The following ASPG variants were observed in gnomAD, a reference collection of about 807,000 sequenced individuals.
ASPG encodes the protein 60 kDa lysophospholipase.
In ASPG, 53 loss-of-function variants were observed where a neutral mutation model predicts 63.2. That is an observed-to-expected ratio of 0.84 (90% CI 0.67 to 1.05). The LOEUF (loss-of-function observed/expected upper bound fraction) is 1.05, where lower values mean the gene tolerates loss of function less well. Among genes scored for constraint, ASPG ranks in the 50% least tolerant of loss-of-function variants. The pLI, the probability that ASPG is intolerant of heterozygous loss-of-function variation, is 0.00. For missense variants in ASPG, 741 were observed against 794.4 expected (o/e 0.93, Z 0.81); for synonymous variants, 370 against 355.0 (o/e 1.04, Z -0.48).
rs115657393 is a variant in ASPG, at chr14:104,087,805, C to T, written c.82+1953C>T. 3.9e-3 allele frequency among the ~76,000 whole-genome samples: 587 copies of T among 152,346 alleles called. 4 individuals are homozygous for T. The highest frequency in any genetic ancestry group is 0.013 in the African/African-American group (555 of 41,578). On this transcript the variant is annotated intron_variant, in intron 1 of 15. Transcript: ENST00000551177. The stretch of plus-strand genomic sequence containing the variant: ...CCGTCTCGCTTGGCCCCCGCGTGCT[C>T]GCCGCAGCAGCCTGTGGGTGCACTC...
chr14:104,087,487 G>A (rs1488657860), intron 1 of ASPG, among the ~76,000 whole-genome samples: 1 of 152,174 alleles, frequency 6.6e-6, no homozygotes, highest in Non-Finnish European at 1.5e-5. Context: ...CCCAGGGAGG[G>A]CTTCTCTGAG....
At chr14:104,088,652 AG>A (rs1206665693) in intron 1 of ASPG, among the ~76,000 whole-genome samples, 1 of 152,206 alleles carries the variant, frequency 6.6e-6, no homozygotes, top group Non-Finnish European at 1.5e-5. Flanking sequence ...CGAGAGTGTC[AG>A]TGGAGTGATG....
Position 104,110,032 on chromosome 14 carries a change from C to T in ASPG, c.1520+717C>T. Reference sequence around the variant, plus strand: ...TCCGCCACAGCCAGAATCGCTGCCCCCCACCCCATGCCTTGTGCCTGGTGA... The same window carrying T: ...TCCGCCACAGCCAGAATCGCTGCCCTCCACCCCATGCCTTGTGCCTGGTGA... On this transcript the variant is annotated intron_variant, in intron 13 of 15. Transcript: ENST00000551177. The surrounding 1 kb of genome is among the most constrained non-coding windows in gnomAD (Gnocchi z 4.7). 1 of 985,392 alleles carries T rather than the reference C, an allele frequency of 1.0e-6. No individual in the cohort carries two copies. Among genetic ancestry groups the T allele is most frequent in the Non-Finnish European group, 1.2e-6 (1 of 829,926 alleles). 61.0% of individuals were successfully genotyped at this position (985,392 alleles called of 1,614,324 possible). A position where few individuals can be genotyped will look rare whatever the true frequency, so the allele number is the denominator to read the frequency against.
chr14:104,086,870 C>A (rs1344600583), intron 1 of ASPG, among the ~76,000 whole-genome samples: 2 of 152,108 alleles, frequency 1.3e-5, no homozygotes, highest in Admixed American at 6.5e-5. Flanking sequence ...CGGCTGGGAC[C>A]CTCTCCGGCT....
At chr14:104,104,757 G>C in intron 9 of ASPG, 22 bp downstream of exon 9, 1 of 1,565,506 alleles carries the variant, frequency 6.4e-7, no homozygotes, top group Non-Finnish European at 8.7e-7. Context: ...CTCGGGCTGT[G>C]GGCAACCCTC....
intron 5 of ASPG, among the ~76,000 whole-genome samples, chr14:104,097,854 A>ATGGAGGTTCTGCGTTGGAGATGCG (rs1566830008): frequency 3.3e-4 from 16 of 48,740 alleles, no homozygotes; most frequent in Non-Finnish European, 3.4e-4. Context: ...TTAGAGATGC[A>ATGGAGGTTCTGCGTTGGAGATGCG]TATGGAGGTT....
chr14:104,103,527 C>T, intron 6 of ASPG, 36 bp from the exon 7 acceptor site: 4 of 1,524,988 alleles, frequency 2.6e-6, no homozygotes, highest in South Asian at 2.4e-5. Context: ...TGGCAGGAGG[C>T]CTGAAGGCAC....
Position 104,109,139 on chromosome 14 carries a change from C to T in ASPG, c.1434-90C>T. 1.3e-6 allele frequency: 2 copies of T among 1,559,984 alleles called. No homozygotes were observed. Among genetic ancestry groups the T allele is most frequent in the Non-Finnish European group, 1.7e-6 (2 of 1,154,880 alleles). ...GGGCCGGCCGGTCCCCGTCCCTGTG[C>T]ACAGGACATGAGCTCTGCTGGCTCC... is the stretch of plus-strand genomic sequence containing the variant. On this transcript the variant is annotated intron_variant, in intron 12 of 15. Transcript: ENST00000551177. The surrounding 1 kb of genome is among the most constrained non-coding windows in gnomAD (Gnocchi z 4.8).
rs756216152 is a variant in ASPG at position 104,104,380 on chromosome 14, C to T, written c.830C>T (p.Pro277Leu). ...GGTTCAGGGAACGGACCCACCAAGC[C>T]CGACCTGCTGCAGGAGCTGCGGGTG... ...TFGSGNGPTK[P>L]DLLQELRVAT... is the part of the protein sequence containing the mutation. Residue 277 changes from proline (P) to leucine (L), a missense_variant, in exon 8 of 16, where the codon CCC (proline) becomes CTC (leucine). By Grantham distance (98) the Pro-to-Leu change is moderately conservative (BLOSUM62 -3). Transcript: ENST00000551177. 3 of 1,612,656 alleles carry T rather than the reference C, an allele frequency of 1.9e-6. No individual in the cohort carries two copies. Among genetic ancestry groups the T allele is most frequent in the Non-Finnish European group, 2.5e-6 (3 of 1,179,820 alleles).
At position 104,110,578 on chromosome 14, in the gene ASPG, G is replaced by GT; in HGVS notation, c.1521-923dup. On this transcript the variant is annotated intron_variant, in intron 13 of 15. Transcript: ENST00000551177. This position sits in a 1 kb window ranked among gnomAD's most constrained non-coding sequence, Gnocchi z 4.7. The stretch of plus-strand genomic sequence containing the variant: ...GGCCTTCCTAGGGGCCGGTGTGTGT[G>GT]TGGGGCTTGGCCTCTTGGAGCAGGT... 1.0e-6 allele frequency: 1 copy of GT among 985,338 alleles called. No homozygotes were observed. The highest frequency in any genetic ancestry group is 1.2e-6 in the Non-Finnish European group (1 of 829,868). The allele number at this position is 985,338 out of a possible 1,614,324, so 61.0% of individuals were successfully genotyped here.
rs529941755 is a variant in ASPG at position 104,109,860 on chromosome 14, C to T, written c.1520+545C>T. Among the ~76,000 whole-genome samples, 10 of 152,240 alleles carry T rather than the reference C, an allele frequency of 6.6e-5. No homozygotes were observed. Among genetic ancestry groups the T allele is most frequent in the South Asian group, 2.1e-4 (1 of 4,826 alleles). On this transcript the variant is annotated intron_variant, in intron 13 of 15. Transcript: ENST00000551177. This position sits in a 1 kb window ranked among gnomAD's most constrained non-coding sequence, Gnocchi z 4.8. ...TGGCACCAGTGGCCAGTGTGCCTTC[C>T]GATCTCATGCTGCCGAGTGACCACC...
intron 1 of ASPG, among the ~76,000 whole-genome samples, chr14:104,087,176 G>A (rs1437621672): frequency 6.6e-6 from 1 of 152,200 alleles, no homozygotes; most frequent in East Asian, 1.9e-4. Context: ...GAGGGACTCA[G>A]GTCCCCAAGA....
intron 14 of ASPG, 92 bp downstream of exon 14, chr14:104,111,693 C>T (rs1397565247): frequency 7.7e-6 from 8 of 1,037,802 alleles, no homozygotes; most frequent in Admixed American, 2.3e-5. Context: ...TCTGCCCCTC[C>T]CCGCTCTGCC....
At chr14:104,105,750 G>A (rs1337959160) in intron 10 of ASPG, among the ~76,000 whole-genome samples, 1 of 152,212 alleles carries the variant, frequency 6.6e-6, no homozygotes, top group African/African-American at 2.4e-5. Context: ...CAGAAGAAGG[G>A]CGGGTGAGTG....
intron 3 of ASPG, 63 bp from the exon 4 acceptor site, chr14:104,095,468 T>G: frequency 6.2e-7 from 1 of 1,604,074 alleles, no homozygotes. Flanking sequence ...TCCCCCATGC[T>G]GCAACCTCCC....
intron 12 of ASPG, among the ~76,000 whole-genome samples, chr14:104,107,986 G>T (rs1035389700): frequency 1.3e-5 from 2 of 152,216 alleles, no homozygotes; most frequent in Non-Finnish European, 2.9e-5. Flanking sequence ...TGGGTGGGAG[G>T]ACTTGGCCTG....
At chr14:104,102,424 T>C (rs895747784) in intron 6 of ASPG, among the ~76,000 whole-genome samples, 34 of 152,106 alleles carry the variant, frequency 2.2e-4, no homozygotes, top group African/African-American at 8.0e-4. Flanking sequence ...AAGAGCCCTG[T>C]GCGGGGGTCC....
intron 9 of ASPG, chr14:104,104,979 T>C (rs1324989350): frequency 8.6e-6 from 5 of 579,646 alleles, no homozygotes; most frequent in Non-Finnish European, 1.5e-5. Flanking sequence ...TCAGACTGCA[T>C]GGAGACCTGA....
At chr14:104,111,303 TCCCA>T (rs1372345659) in intron 13 of ASPG, 195 bp from the exon 14 acceptor site, 2 of 739,426 alleles carry the variant, frequency 2.7e-6, no homozygotes, top group Non-Finnish European at 3.3e-6. Context: ...TGAGTCGCAG[TCCCA>T]CCCACTGGGT....
Sources: allele counts gnomAD v4.1 joint callset (sites outside exome capture counted in the v4.1 genomes callset), GRCh38; gene constraint gnomAD v4.1.1; non-coding constraint Gnocchi (gnomAD v3.1); transcripts MANE v1.5; gene names NCBI Gene and HGNC (gene_info 2026-07-23, HGNC 2026-07-21).